The following GSK3B variants were observed in gnomAD, a reference collection of about 807,000 sequenced individuals.
GSK3B encodes the protein glycogen synthase kinase-3 beta.
GSK3B carries 15 observed loss-of-function variants against 56.4 expected under a neutral mutation model. That is an observed-to-expected ratio of 0.27 (90% CI 0.18 to 0.41). The LOEUF (loss-of-function observed/expected upper bound fraction) is 0.41. Ranked by LOEUF, GSK3B falls within the 10% of genes least tolerant of loss-of-function variation. The pLI is 1.00. For synonymous variants in GSK3B, 181 were observed against 188.9 expected (o/e 0.96, Z 0.34); for missense variants, 300 against 513.4 (o/e 0.58, Z 4.02).
chr3:119,928,612 TAAA>T (rs1160252679), intron 3 of GSK3B, among the ~76,000 whole-genome samples: 2,575 of 66,962 alleles, frequency 0.038, 48 homozygotes, highest in African/African-American at 0.11. Context: ...ATCAAAAAAA[TAAA>T]AAAAAAAAAA....
chr3:119,907,799 G>T (rs1030986201), intron 6 of GSK3B, among the ~76,000 whole-genome samples: 3 of 152,128 alleles, frequency 2.0e-5, no homozygotes, highest in African/African-American at 7.2e-5. Context: ...GTACTGAATA[G>T]TAGAGCTAGG....
rs1036967363 is a variant in GSK3B, at chr3:120,094,355, GCTTC to G, written c.-925_-922del. 1.1e-4 allele frequency: 34 copies of G among 296,544 alleles called. No homozygotes were observed. The highest frequency in any genetic ancestry group is 3.5e-4 in the South Asian group (7 of 19,850). 18.4% of individuals were successfully genotyped at this position (296,544 alleles called of 1,614,324 possible). ...GCGGCTGCGGGGCCGGCTCCTCCTC[GCTTC>G]CTTCCTTCCTTTGTCACTTGGCCCG... is the stretch of plus-strand genomic sequence containing the variant. On this transcript the variant is annotated 5_prime_UTR_variant, in exon 1 of 11. Transcript: ENST00000264235.
chr3:120,064,003 A>T (rs1430701376), intron 1 of GSK3B, among the ~76,000 whole-genome samples: 1 of 152,100 alleles, frequency 6.6e-6, no homozygotes, highest in Non-Finnish European at 1.5e-5. Flanking sequence ...AATTAAATAA[A>T]TAATTAATTA....
chr3:119,889,065 T>C (rs1401863574), intron 7 of GSK3B, among the ~76,000 whole-genome samples: 1 of 152,180 alleles, frequency 6.6e-6, no homozygotes, highest in Non-Finnish European at 1.5e-5. Context: ...CTTTGTCCTG[T>C]TTCCTCACAA....
chr3:120,049,169 C>A (rs1203415772), intron 1 of GSK3B, among the ~76,000 whole-genome samples: 1 of 152,146 alleles, frequency 6.6e-6, no homozygotes, highest in African/African-American at 2.4e-5. Flanking sequence ...TCTAGCATGT[C>A]CCTAGATACA....
chr3:120,030,491 G>A (rs147068432), intron 1 of GSK3B, among the ~76,000 whole-genome samples: 2 of 152,284 alleles, frequency 1.3e-5, no homozygotes, highest in Non-Finnish European at 2.9e-5. Flanking sequence ...AACCCTGTAA[G>A]ATCTAGTTTC....
At chr3:120,011,912 C>T (rs1007643906) in intron 1 of GSK3B, among the ~76,000 whole-genome samples, 3 of 152,158 alleles carry the variant, frequency 2.0e-5, no homozygotes, top group Non-Finnish European at 4.4e-5. Flanking sequence ...TCGCATGCCT[C>T]GTGCTGCCTC....
intron 8 of GSK3B, chr3:119,866,559 A>C (rs201743413): frequency 4.6e-6 from 7 of 1,506,668 alleles, no homozygotes; most frequent in Non-Finnish European, 5.5e-6. Flanking sequence ...ACCTGCCCTG[A>C]AATTTTGGGA....
intron 2 of GSK3B, among the ~76,000 whole-genome samples, chr3:119,953,151 T>C (rs1313839057): frequency 6.6e-6 from 1 of 152,094 alleles, no homozygotes; most frequent in Non-Finnish European, 1.5e-5. Context: ...TGGTGATAAA[T>C]TGGAATGTAA....
intron 10 of GSK3B, 45 bp downstream of exon 10, chr3:119,843,210 C>T (rs2055802511): frequency 7.8e-7 from 1 of 1,286,762 alleles, no homozygotes; most frequent in Non-Finnish European, 1.1e-6. Context: ...CCATCATGCC[C>T]AGCCCAGAAT....
At position 120,059,425 on chromosome 3, in the gene GSK3B, T is replaced by C. The variant is rs144774217; in HGVS notation, c.88+33922A>G. Among the ~76,000 whole-genome samples the C allele has an allele frequency of 3.2e-4, 48 of 152,346 alleles. 1 individual carries two copies. The East Asian group carries it at 9.1e-3, about 29-fold the overall frequency. On this transcript the variant is annotated intron_variant, in intron 1 of 10. Coordinates refer to ENST00000264235, the MANE Select transcript of GSK3B (RefSeq NM_001146156.2). Reference sequence around the variant, plus strand: ...ACCTAACACACACTGTCTCTAATAATGAATCTCATTATCACTCAAGTCTAA... The same window carrying C: ...ACCTAACACACACTGTCTCTAATAACGAATCTCATTATCACTCAAGTCTAA...
intron 8 of GSK3B, among the ~76,000 whole-genome samples, chr3:119,864,147 C>T (rs2056146133): frequency 6.6e-6 from 1 of 152,052 alleles, no homozygotes; most frequent in African/African-American, 2.4e-5. Context: ...TCTTGAATAC[C>T]TAGAATTTGA....
At chr3:119,862,051 G>A (rs527814370) in intron 9 of GSK3B, among the ~76,000 whole-genome samples, 44 of 150,360 alleles carry the variant, frequency 2.9e-4, no homozygotes, top group Non-Finnish European at 5.3e-4. Flanking sequence ...AATGTGCTGG[G>A]CAAACATAAG....
chr3:119,889,786 T>C (rs2056481362), intron 7 of GSK3B, among the ~76,000 whole-genome samples: 1 of 152,086 alleles, frequency 6.6e-6, no homozygotes, highest in African/African-American at 2.4e-5. Context: ...CACCTAACTA[T>C]ATGTCTGTAA....
chr3:119,915,604 TACAATACATATACTCTTGA>T (rs968171497), intron 5 of GSK3B, among the ~76,000 whole-genome samples: 28 of 152,096 alleles, frequency 1.8e-4, no homozygotes, highest in African/African-American at 6.5e-4. Flanking sequence ...AAAGGTGGCA[TACAATACATATACTCTTGA>T]TCTTGCTTTC....
chr3:119,910,459 T>C (rs2056724582), intron 6 of GSK3B, among the ~76,000 whole-genome samples: 1 of 151,986 alleles, frequency 6.6e-6, no homozygotes, highest in African/African-American at 2.4e-5. Context: ...ATACATTAAC[T>C]TAAACACACT....
intron 2 of GSK3B, among the ~76,000 whole-genome samples, chr3:119,988,867 AGC>A (rs1208158638): frequency 1.4e-4 from 21 of 152,382 alleles, no homozygotes; most frequent in Admixed American, 8.5e-4. Context: ...AGTATAATAA[AGC>A]AAACCATTCC....
At position 119,826,414 on chromosome 3, in the gene GSK3B, G is replaced by T. The variant is rs2055506151; in HGVS notation, c.*374C>A. 2.3e-6 allele frequency: 1 copy of T among 432,748 alleles called. No homozygotes were observed. 26.8% of individuals were successfully genotyped at this position (432,748 alleles called of 1,614,324 possible). On this transcript the variant is annotated 3_prime_UTR_variant, in exon 11 of 11. Coordinates refer to ENST00000264235, the MANE Select transcript of GSK3B (RefSeq NM_001146156.2). ...AAGTTCAAAAAAACCCATCAGCACA[G>T]AAAAAGGTTTTCTTCTTTTGTGGAA...
chr3:119,978,627 T>C (rs115657715), intron 2 of GSK3B, among the ~76,000 whole-genome samples: 2,627 of 152,164 alleles, frequency 0.017, 80 homozygotes, highest in African/African-American at 0.06. Context: ...TCTGGCCACA[T>C]GCCCCATCTT....
Sources: gnomAD v4.1 joint callset for allele counts (sites outside exome capture counted in the v4.1 genomes callset) on GRCh38, gnomAD v4.1.1 for gene constraint, MANE v1.5 for transcripts, NCBI Gene and HGNC (gene_info 2026-07-23, HGNC 2026-07-21) for gene names.